Variants in PDIA6 observed in about 807,000 individuals in gnomAD.
PDIA6 encodes protein disulfide-isomerase A6.
A neutral mutation model predicts 58.4 loss-of-function variants in PDIA6; 29 were observed. The observed-to-expected ratio is 0.50, with a 90% CI of 0.37 to 0.68. PDIA6 has a LOEUF of 0.68. Ranked by LOEUF, PDIA6 falls within the 30% of genes least tolerant of loss-of-function variation. The pLI is 0.00. For synonymous variants in PDIA6, 192 were observed against 202.6 expected, an observed-to-expected ratio of 0.95 and a Z score of 0.44; for missense variants, 480 against 551.0, an observed-to-expected ratio of 0.87 and a Z score of 1.29.
At chr2:10,820,280 G>A (rs1318121117) in intron 1 of PDIA6, among the ~76,000 whole-genome samples, 3 of 152,220 alleles carry the variant, frequency 2.0e-5, no homozygotes, top group African/African-American at 7.2e-5. Context: ...AGTCGCTGGG[G>A]AGGTGGTGTC....
At chr2:10,804,298 G>C (rs904560332) in intron 1 of PDIA6, among the ~76,000 whole-genome samples, 7 of 147,864 alleles carry the variant, frequency 4.7e-5, no homozygotes, top group African/African-American at 1.7e-4. Context: ...GGTTTTTATG[G>C]TTTTAGGTCT....
intron 1 of PDIA6, among the ~76,000 whole-genome samples, chr2:10,807,190 T>C (rs1010928220): frequency 1.1e-4 from 16 of 152,210 alleles, no homozygotes; most frequent in Admixed American, 2.6e-4. Flanking sequence ...TCATGCTGGC[T>C]TTTGGATTGA....
At chr2:10,784,729 C>T in intron 12 of PDIA6, 1 of 556,040 alleles carries the variant, frequency 1.8e-6, no homozygotes, top group Non-Finnish European at 3.2e-6. Context: ...TGTATCTTGG[C>T]TGTCAAGAGT....
intron 1 of PDIA6, among the ~76,000 whole-genome samples, chr2:10,809,435 G>C (rs1396544576): frequency 6.6e-6 from 1 of 152,090 alleles, no homozygotes; most frequent in African/African-American, 2.4e-5. Flanking sequence ...CCAGAACTTT[G>C]GGAGGATGAG....
At chr2:10,837,326 G>A (rs1012478955), upstream of PDIA6, among the ~76,000 whole-genome samples, 3 of 152,188 alleles carry the variant, frequency 2.0e-5, no homozygotes, top group Non-Finnish European at 2.9e-5. Flanking sequence ...AAGAGAGCAC[G>A]AAACACAGCA....
chr2:10,822,139 A>G (rs1667415548), intron 1 of PDIA6, among the ~76,000 whole-genome samples: 1 of 151,214 alleles, frequency 6.6e-6, no homozygotes, highest in Middle Eastern at 3.4e-3. Flanking sequence ...GGGTTTCACC[A>G]TGTTGTCCAG....
chr2:10,836,544 T>C (rs1253379023), upstream of PDIA6, among the ~76,000 whole-genome samples: 4 of 53,380 alleles, frequency 7.5e-5, no homozygotes, highest in African/African-American at 3.6e-4. Flanking sequence ...TTTTGCAGGC[T>C]TTTTTTTTTT....
At chr2:10,800,819 C>G (rs1364669696) in intron 2 of PDIA6, among the ~76,000 whole-genome samples, 1 of 152,048 alleles carries the variant, frequency 6.6e-6, no homozygotes, top group Non-Finnish European at 1.5e-5. Flanking sequence ...CCACATTGCC[C>G]AAGCTGGCCT....
rs1667734374 is a variant in PDIA6, at chr2:10,832,399, TC to T, written c.-246del. 4.1e-6 allele frequency: 4 copies of T among 985,280 alleles called. No individual in the cohort carries two copies. In the South Asian group the frequency reaches 1.9e-4, roughly 46 times the overall value. The allele number at this position is 985,280 out of a possible 1,614,324, so 61.0% of individuals were successfully genotyped here. A position where few individuals can be genotyped will look rare whatever the true frequency, so the allele number is the denominator to read the frequency against. ...TGCAGATATCCTCGCCATCTACGCC[TC>T]ACAAACACCACCTGGTGGGATTCTA... On this transcript the variant is annotated 5_prime_UTR_variant, in exon 1 of 14. Transcript: ENST00000381611.
At chr2:10,792,008 T>A in intron 5 of PDIA6, 83 bp from the exon 6 acceptor site, 1 of 1,396,190 alleles carries the variant, frequency 7.2e-7, no homozygotes, top group Non-Finnish European at 9.8e-7. Flanking sequence ...TACTGCTACA[T>A]CTTAACAAAG....
intron 4 of PDIA6, among the ~76,000 whole-genome samples, chr2:10,795,346 A>C (rs780514234): frequency 1.3e-5 from 2 of 152,202 alleles, no homozygotes; most frequent in African/African-American, 2.4e-5. Flanking sequence ...GTGCATTTTC[A>C]TAAGTGAGGA....
At chr2:10,784,424 C>A in intron 12 of PDIA6, 98 bp from the exon 13 acceptor site, 1 of 883,210 alleles carries the variant, frequency 1.1e-6, no homozygotes, top group Non-Finnish European at 1.7e-6. Context: ...TGGAGCTACT[C>A]CTGCTACAAT....
upstream of PDIA6, among the ~76,000 whole-genome samples, chr2:10,816,374 C>T (rs1667193726): frequency 6.8e-6 from 1 of 147,946 alleles, no homozygotes; most frequent in African/African-American, 2.5e-5. Context: ...GCGTGGGCCA[C>T]CATGCCCGGC....
At chr2:10,812,033 T>C (rs1409235506) in intron 1 of PDIA6, among the ~76,000 whole-genome samples, 2 of 152,018 alleles carry the variant, frequency 1.3e-5, no homozygotes, top group African/African-American at 2.4e-5. Context: ...GCCTCAGCCT[T>C]CTGAGTAGCT....
chr2:10,834,176 A>G (rs1734412), upstream of PDIA6, among the ~76,000 whole-genome samples: 141,229 of 152,332 alleles, frequency 0.93, 66,188 homozygotes, highest in Non-Finnish European at 0.99. Flanking sequence ...CTCAGCAGCA[A>G]TTGCATGATT....
chr2:10,806,632 A>AAGAAAGAAAGAGAGAAAGAG (rs1553339939), intron 1 of PDIA6, among the ~76,000 whole-genome samples: 1 of 121,152 alleles, frequency 8.3e-6, no homozygotes, highest in Non-Finnish European at 1.9e-5. Flanking sequence ...TAAAGACAGA[A>AAGAAAGAAAGAGAGAAAGAG]AGAAAGAAAG....
Position 10,783,944 on chromosome 2 carries a change from A to G in PDIA6, c.*314T>C, listed in dbSNP as rs1013398965. 15 of 217,508 alleles carry G rather than the reference A, an allele frequency of 6.9e-5. No individual in the cohort carries two copies. Among genetic ancestry groups the G allele is most frequent in the Non-Finnish European group, 1.3e-4 (14 of 110,988 alleles). The allele number at this position is 217,508 out of a possible 1,614,324, so 13.5% of individuals were successfully genotyped here. A position where few individuals can be genotyped will look rare whatever the true frequency, so the allele number is the denominator to read the frequency against. ...GGATCACATTAAAAAAAACCCATAC[A>G]TAAGAAACAGCCTCCAAGAACATTC... is the stretch of plus-strand genomic sequence containing the variant. On this transcript the variant is annotated 3_prime_UTR_variant, in exon 13 of 13. Coordinates refer to ENST00000272227, the MANE Select transcript of PDIA6 (RefSeq NM_005742.4).
Position 10,788,717 on chromosome 2 carries a change from T to C in PDIA6, c.978A>G (p.Lys326=). 6.2e-7 allele frequency: 1 copy of C among 1,612,922 alleles called. No homozygotes were observed. Among genetic ancestry groups the C allele is most frequent in the Non-Finnish European group, 8.5e-7 (1 of 1,178,856 alleles). The stretch of plus-strand genomic sequence containing the variant: ...CTTACCCCCACATTTTCTTTTTGTA[T>C]TTGTCTGCCAACTTCAGAAGAACTT... ...YLEVLLKLAD[K]YKKKMWGWLW... is the part of the protein sequence containing the mutation. The change falls in exon 10 of 13, where the codon AAA becomes AAG. Residue 326 remains lysine (K), a synonymous_variant. Transcript: ENST00000272227.
upstream of PDIA6, among the ~76,000 whole-genome samples, chr2:10,814,262 G>A (rs1301477167): frequency 6.6e-6 from 1 of 152,234 alleles, no homozygotes; most frequent in Non-Finnish European, 1.5e-5. Flanking sequence ...CAGGCAAACT[G>A]AACTCAGAGG....
Sources: allele counts gnomAD v4.1 joint callset (sites outside exome capture counted in the v4.1 genomes callset), GRCh38; gene constraint gnomAD v4.1.1; transcripts MANE v1.5; gene names NCBI Gene and HGNC (gene_info 2026-07-23, HGNC 2026-07-21).